Variants in ZFP82 observed in about 807,000 individuals in gnomAD.
ZFP82 encodes the protein zinc finger protein 82 homolog.
Under a neutral mutation model 54.0 loss-of-function variants are expected in ZFP82, and 30 were observed. The observed-to-expected ratio is 0.56, with a 90% CI of 0.42 to 0.75. ZFP82 has a LOEUF of 0.75. ZFP82 is among the 30% of genes least tolerant of loss of function. The pLI, the probability that ZFP82 is intolerant of heterozygous loss-of-function variation, is 0.00. For missense variants in ZFP82, 500 were observed against 636.8 expected, an observed-to-expected ratio of 0.79 and a Z score of 2.31; for synonymous variants, 194 against 209.5, an observed-to-expected ratio of 0.93 and a Z score of 0.64.
intron 3 of ZFP82, among the ~76,000 whole-genome samples, chr19:36,406,070 A>G (rs1308570562): frequency 1.3e-5 from 2 of 152,184 alleles, no homozygotes; most frequent in Non-Finnish European, 2.9e-5. Context: ...TTATATTTAT[A>G]TATGTCTGTA....
Position 36,392,661 on chromosome 19 carries a change from G to T in ZFP82, c.*80C>A. ...ATGGTATAAAACCTCTAATGCCAAC[G>T]CAGTTGCATGTATGGAGCAAAATAG... On this transcript the variant is annotated 3_prime_UTR_variant, in exon 5 of 5. Coordinates refer to ENST00000392161, the MANE Select transcript of ZFP82 (RefSeq NM_133466.4). 8.0e-7 allele frequency: 1 copy of T among 1,245,586 alleles called. No individual in the cohort carries two copies. The highest frequency in any genetic ancestry group is 1.1e-6 in the Non-Finnish European group (1 of 925,234). 77.2% of individuals were successfully genotyped at this position (1,245,586 alleles called of 1,614,324 possible).
chr19:36,393,806 C>G lies in ZFP82; in HGVS notation c.534G>C (p.Ala178=). The G allele has an allele frequency of 6.2e-7, 1 of 1,611,302 alleles. No homozygotes were observed. The highest frequency in any genetic ancestry group is 8.5e-7 in the Non-Finnish European group (1 of 1,178,966). Residue 178 remains alanine (A), a synonymous_variant, in exon 5 of 5, where the codon GCG becomes GCC. Coordinates refer to ENST00000392161, the MANE Select transcript of ZFP82 (RefSeq NM_133466.4). ...AAGTAAGCTGTTGGCGCACTCTGAA[C>G]GCCTTCCCACATTCCTTACATTCAT... The part of the protein sequence containing the change: ...KPYECKECGK[A]FRVRQQLTFH...
At chr19:36,406,854 T>A (rs1043163493) in intron 3 of ZFP82, among the ~76,000 whole-genome samples, 19 of 152,144 alleles carry the variant, frequency 1.2e-4, no homozygotes, top group Non-Finnish European at 2.9e-5. Context: ...TAGGCTACAA[T>A]GTGATGTTTT....
chr19:36,399,206 T>C (rs995606863), intron 4 of ZFP82, among the ~76,000 whole-genome samples: 5 of 152,208 alleles, frequency 3.3e-5, no homozygotes, highest in Non-Finnish European at 7.3e-5. Context: ...ATAACCTTTA[T>C]GAGGAAAACT....
In ZFP82 at chr19:36,414,968, T is replaced by C. The variant is rs541674987; in HGVS notation, c.-79+3524A>G. ...TCCCAAGCAGCTGGGATTACAGGCA[T>C]GCACCACCACGCCTGGCTAATTTTG... On this transcript the variant is annotated intron_variant, in intron 1 of 4. Coordinates refer to ENST00000392161, the MANE Select transcript of ZFP82 (RefSeq NM_133466.4). Among the ~76,000 whole-genome samples, 55 of 151,546 alleles carry C rather than the reference T, an allele frequency of 3.6e-4. 1 individual carries two copies. The South Asian group carries it at 0.011, about 30-fold the overall frequency.
rs943627281 is a variant in ZFP82, at chr19:36,392,630, C to G, written c.*111G>C. 2.6e-5 allele frequency: 24 copies of G among 928,786 alleles called. No homozygotes were observed. The highest frequency in any genetic ancestry group is 3.4e-5 in the Non-Finnish European group (22 of 646,312). The allele number at this position is 928,786 out of a possible 1,614,324, so 57.5% of individuals were successfully genotyped here. A position where few individuals can be genotyped will look rare whatever the true frequency, so the allele number is the denominator to read the frequency against. On this transcript the variant is annotated 3_prime_UTR_variant, in exon 5 of 5. Coordinates refer to ENST00000392161, the MANE Select transcript of ZFP82 (RefSeq NM_133466.4). ...ATGGACTACAATACATTGTCACACT[C>G]TTTTAATGGTATAAAACCTCTAATG...
rs1568481753 is a variant in ZFP82, at chr19:36,390,677, T to A, written c.*2064A>T. On this transcript the variant is annotated 3_prime_UTR_variant, in exon 5 of 5. Transcript: ENST00000392161. ...CATTTTTCACCTAATGGTCTTCGCA[T>A]CCATTGCTATCACCACGAAAATCCA... 6.6e-6 allele frequency: 1 copy of A among 152,314 alleles called. No individual in the cohort carries two copies. The highest frequency in any genetic ancestry group is 2.4e-5 in the African/African-American group (1 of 41,564). 9.4% of individuals were successfully genotyped at this position (152,314 alleles called of 1,614,324 possible).
chr19:36,385,572 G>A (rs2032106247), downstream of ZFP82, among the ~76,000 whole-genome samples: 1 of 152,204 alleles, frequency 6.6e-6, no homozygotes, highest in African/African-American at 2.4e-5. Flanking sequence ...GGGTGATTCT[G>A]GTGAGGGCTC....
At chr19:36,400,180 A>G (rs2032360404) in intron 4 of ZFP82, among the ~76,000 whole-genome samples, 1 of 152,154 alleles carries the variant, frequency 6.6e-6, no homozygotes, top group Non-Finnish European at 1.5e-5. Flanking sequence ...CCTTTTTTTG[A>G]TCAGGTAAAA....
rs927142067 is a variant in ZFP82, at chr19:36,391,467, T to C, written c.*1274A>G. On this transcript the variant is annotated 3_prime_UTR_variant, in exon 5 of 5. Coordinates refer to ENST00000392161, the MANE Select transcript of ZFP82 (RefSeq NM_133466.4). The stretch of plus-strand genomic sequence containing the variant: ...ATTGACTGGGGCCAGAGAATACTGA[T>C]TGTAGTTTTTTTTTTTTTTTGAGAC... The C allele has an allele frequency of 1.4e-5, 2 of 146,344 alleles. No homozygotes were observed. The highest frequency in any genetic ancestry group is 3.0e-5 in the Non-Finnish European group (2 of 66,336). 9.1% of individuals were successfully genotyped at this position (146,344 alleles called of 1,614,324 possible).
Position 36,393,107 on chromosome 19 carries a change from T to C in ZFP82, c.1233A>G (p.Ser411=). Residue 411 remains serine (S), a synonymous_variant, in exon 5 of 5, where the codon TCA becomes TCG. Transcript: ENST00000392161. The part of the protein sequence containing the change: ...KAFSRYSQLI[S]HQSIHIGVKP... ...TAACACCAATATGAATACTCTGATG[T>C]GAAATAAGTTGTGAGTAGCGACTAA... is the stretch of plus-strand genomic sequence containing the variant. 1 of 1,613,844 alleles carries C rather than the reference T, an allele frequency of 6.2e-7. No homozygotes were observed. The highest frequency in any genetic ancestry group is 8.5e-7 in the Non-Finnish European group (1 of 1,179,950).
At chr19:36,384,918 G>T (rs2032098961), downstream of ZFP82, among the ~76,000 whole-genome samples, 1 of 152,166 alleles carries the variant, frequency 6.6e-6, no homozygotes, top group African/African-American at 2.4e-5. Context: ...TGGACTTGGA[G>T]GTACAAATCT....
intron 1 of ZFP82, among the ~76,000 whole-genome samples, chr19:36,410,730 T>G (rs960854419): frequency 1.8e-4 from 28 of 151,452 alleles, no homozygotes; most frequent in Non-Finnish European, 3.1e-4. Flanking sequence ...CTCGAACTCC[T>G]GACTTCATGA....
At chr19:36,403,090 C>T (rs919159706) in intron 4 of ZFP82, among the ~76,000 whole-genome samples, 1 of 151,738 alleles carries the variant, frequency 6.6e-6, no homozygotes, top group African/African-American at 2.4e-5. Flanking sequence ...TTGCAGTGAG[C>T]AAGATCACGC....
chr19:36,415,037 T>G (rs1396566950), intron 1 of ZFP82, among the ~76,000 whole-genome samples: 1 of 152,164 alleles, frequency 6.6e-6, no homozygotes, highest in Admixed American at 6.5e-5. Context: ...GTCAGGCTGG[T>G]CTGGAACTCC....
intron 1 of ZFP82, among the ~76,000 whole-genome samples, chr19:36,412,371 A>C (rs1225887756): frequency 6.6e-6 from 1 of 152,218 alleles, no homozygotes; most frequent in Non-Finnish European, 1.5e-5. Context: ...TTCTTTAAAT[A>C]GGTTAAAGAG....
chr19:36,383,528 C>A (rs1600092094), exon 2 of ZFP82: 1 of 152,016 alleles, frequency 6.6e-6, no homozygotes, highest in Non-Finnish European at 1.5e-5. Flanking sequence ...TGACCAGATG[C>A]CTGGTATCAC....
At chr19:36,385,998 G>A (rs1009403332), downstream of ZFP82, among the ~76,000 whole-genome samples, 3 of 152,230 alleles carry the variant, frequency 2.0e-5, no homozygotes, top group African/African-American at 7.2e-5. Context: ...AAGTGAAAAG[G>A]TGTGTTTAGG....
intron 4 of ZFP82, among the ~76,000 whole-genome samples, chr19:36,397,512 C>T (rs969743244): frequency 6.6e-6 from 1 of 152,080 alleles, no homozygotes; most frequent in Non-Finnish European, 1.5e-5. Context: ...ATACAGAGGA[C>T]AGATGACTAT....
Sources: gnomAD v4.1 joint callset for allele counts (sites outside exome capture counted in the v4.1 genomes callset) on GRCh38, gnomAD v4.1.1 for gene constraint, MANE v1.5 for transcripts, NCBI Gene and HGNC (gene_info 2026-07-23, HGNC 2026-07-21) for gene names.